The following SMYD3 variants were observed in gnomAD, a reference collection of about 807,000 sequenced individuals.
SMYD3 encodes the protein SET and MYND domain containing 3.
SMYD3 carries 36 observed loss-of-function variants against 57.7 expected under a neutral mutation model. That is an observed-to-expected ratio of 0.62 (90% CI 0.48 to 0.82). The LOEUF is 0.82. SMYD3 is among the 40% of genes least tolerant of loss of function. SMYD3 has a pLI of 0.00. For missense variants in SMYD3, 515 were observed against 538.8 expected (o/e 0.96, Z 0.44); for synonymous variants, 211 against 195.0 (o/e 1.08, Z -0.68).
intron 10 of SMYD3, among the ~76,000 whole-genome samples, chr1:245,778,428 T>C (rs1017787647): frequency 2.6e-5 from 4 of 152,178 alleles, no homozygotes; most frequent in Non-Finnish European, 5.9e-5. Context: ...GGAGTAAGGA[T>C]GGCATTTTTA....
chr1:246,490,021 T>C (rs1232464327), intron 1 of SMYD3, among the ~76,000 whole-genome samples: 4 of 103,182 alleles, frequency 3.9e-5, no homozygotes, highest in Non-Finnish European at 8.3e-5. Flanking sequence ...TTTTTTTTTT[T>C]TGTCAGGACA....
intron 5 of SMYD3, among the ~76,000 whole-genome samples, chr1:246,204,552 C>CTTCAATAAT (rs11280956): frequency 0.13 from 20,073 of 152,116 alleles, 3,444 homozygotes; most frequent in African/African-American, 0.39. Flanking sequence ...AGAATCTTAC[C>CTTCAATAAT]TTTGTCAAAG....
intron 5 of SMYD3, among the ~76,000 whole-genome samples, chr1:246,026,921 A>G (rs1228394733): frequency 6.6e-6 from 1 of 152,224 alleles, no homozygotes; most frequent in African/African-American, 2.4e-5. Context: ...TGTTGCACAA[A>G]ACAGTTAGCC....
At chr1:245,836,078 CAT>C (rs1306377565) in intron 10 of SMYD3, among the ~76,000 whole-genome samples, 1 of 152,210 alleles carries the variant, frequency 6.6e-6, no homozygotes, top group Non-Finnish European at 1.5e-5. Flanking sequence ...ATCTGACCCT[CAT>C]AGACGTCTCC....
At chr1:246,180,217 AAAAT>A (rs1232483543) in intron 5 of SMYD3, among the ~76,000 whole-genome samples, 1 of 147,744 alleles carries the variant, frequency 6.8e-6, no homozygotes, top group Non-Finnish European at 1.5e-5. Context: ...CATATATTAG[AAAAT>A]ATATATACAT....
chr1:246,063,100 G>A (rs574332444), intron 5 of SMYD3, among the ~76,000 whole-genome samples: 7 of 152,238 alleles, frequency 4.6e-5, no homozygotes, highest in South Asian at 2.1e-4. Context: ...CTCAGGGCTC[G>A]GCACACAGTC....
At chr1:246,239,278 T>C (rs1017346565) in intron 5 of SMYD3, among the ~76,000 whole-genome samples, 2 of 152,076 alleles carry the variant, frequency 1.3e-5, no homozygotes, top group South Asian at 4.2e-4. Context: ...CCCTGGTGTG[T>C]GATGTTCCCC....
intron 5 of SMYD3, among the ~76,000 whole-genome samples, chr1:246,100,317 G>T (rs954332227): frequency 1.3e-5 from 2 of 152,238 alleles, no homozygotes; most frequent in Non-Finnish European, 2.9e-5. Flanking sequence ...GGAAAAGCCA[G>T]GTAGGTAGTG....
At chr1:246,288,062 C>CG (rs2064607109) in intron 5 of SMYD3, among the ~76,000 whole-genome samples, 2 of 64,216 alleles carry the variant, frequency 3.1e-5, no homozygotes. Context: ...TCAGGTAATT[C>CG]TTTTTTTTTT....
In SMYD3 at chr1:246,386,615, TTTCACC is replaced by T. The variant is rs1202474609; in HGVS notation, c.165-31527_165-31522del. On this transcript the variant is annotated intron_variant, in intron 1 of 11. Transcript: ENST00000490107. ...CAGACCATCCTGGCCAATAGTGAGA[TTTCACC>T]TCTGTTATCTTTTAATTGTTAAAAA... Among the ~76,000 whole-genome samples the T allele has an allele frequency of 6.3e-4, 95 of 150,582 alleles. 1 individual carries two copies. Among genetic ancestry groups the T allele is most frequent in the African/African-American group, 2.3e-3 (94 of 41,078 alleles).
intron 5 of SMYD3, among the ~76,000 whole-genome samples, chr1:246,304,844 T>C (rs2064953513): frequency 1.3e-5 from 2 of 152,234 alleles, no homozygotes; most frequent in African/African-American, 4.8e-5. Context: ...GATAAACCTC[T>C]GTGGGCTGCG....
At chr1:246,459,922 A>C (rs1270546299) in intron 1 of SMYD3, among the ~76,000 whole-genome samples, 1 of 143,488 alleles carries the variant, frequency 7.0e-6, no homozygotes, top group African/African-American at 2.7e-5. Flanking sequence ...GCCACCCAAA[A>C]AAAAAAAAAA....
intron 10 of SMYD3, among the ~76,000 whole-genome samples, chr1:245,802,543 T>C (rs542563316): frequency 3.3e-5 from 5 of 152,330 alleles, no homozygotes; most frequent in African/African-American, 9.6e-5. Context: ...AGCAGGAGTA[T>C]TGCAGTACTA....
chr1:246,179,685 T>C lies in SMYD3; in HGVS notation c.531+147516A>G, dbSNP rs111396021. Among the ~76,000 whole-genome samples the C allele has an allele frequency of 1.6e-3, 245 of 152,310 alleles. 1 individual carries two copies. The highest frequency in any genetic ancestry group is 5.4e-3 in the African/African-American group (226 of 41,574). On this transcript the variant is annotated intron_variant, in intron 5 of 11. Coordinates refer to ENST00000490107, the MANE Select transcript of SMYD3 (RefSeq NM_001167740.2). ...CTAGAAGAAGCCAGATGGTCAGATA[T>C]ATATTTCTCAAAACCCATCTTAACC...
intron 5 of SMYD3, among the ~76,000 whole-genome samples, chr1:246,312,643 A>G (rs1331842080): frequency 1.3e-5 from 2 of 152,200 alleles, no homozygotes; most frequent in African/African-American, 4.8e-5. Flanking sequence ...AATCTGAAGT[A>G]AAACCAGGTC....
Position 246,140,575 on chromosome 1 carries a change from C to G in SMYD3, c.531+186626G>C, listed in dbSNP as rs985472989. On this transcript the variant is annotated intron_variant, in intron 5 of 11. Transcript: ENST00000490107. ...AAGTTTATACTTTAAAGCATCAAAC[C>G]TTTTTATCCCGCCCATTTGGAAGGA... Among the ~76,000 whole-genome samples the G allele has an allele frequency of 5.3e-5, 8 of 152,070 alleles. 1 individual carries two copies. The highest frequency in any genetic ancestry group is 1.3e-4 in the Admixed American group (2 of 15,258).
chr1:246,051,264 G>C (rs565475659), intron 5 of SMYD3, among the ~76,000 whole-genome samples: 1 of 151,770 alleles, frequency 6.6e-6, no homozygotes, highest in South Asian at 2.1e-4. Context: ...GGGACCACAG[G>C]TGTCTCCCAC....
intron 5 of SMYD3, among the ~76,000 whole-genome samples, chr1:246,232,995 G>C (rs2063440760): frequency 7.3e-6 from 1 of 136,638 alleles, no homozygotes; most frequent in East Asian, 3.9e-4. Flanking sequence ...ACGCAGAGGA[G>C]AAGCGCTCCT....
intron 5 of SMYD3, among the ~76,000 whole-genome samples, chr1:246,218,520 C>G (rs1254760581): frequency 6.6e-6 from 1 of 151,862 alleles, no homozygotes; most frequent in African/African-American, 2.4e-5. Context: ...ACTCTGGAGG[C>G]TGAGGCAGGA....
Sources: allele counts gnomAD v4.1 joint callset (sites outside exome capture counted in the v4.1 genomes callset), GRCh38; gene constraint gnomAD v4.1.1; transcripts MANE v1.5; gene names NCBI Gene and HGNC (gene_info 2026-07-23, HGNC 2026-07-21).